DOCK3: variants seen among roughly 807,000 people sequenced by gnomAD.
The protein encoded by DOCK3 is dedicator of cytokinesis protein 3.
Under a neutral mutation model 265.6 loss-of-function variants are expected in DOCK3, and 60 were observed. The observed-to-expected ratio is 0.23, with a 90% CI of 0.18 to 0.28. The LOEUF (loss-of-function observed/expected upper bound fraction) is 0.28. Among genes scored for constraint, DOCK3 ranks in the 10% least tolerant of loss-of-function variants. DOCK3 has a pLI of 1.00. For missense variants in DOCK3, 1,981 were observed against 2,594.3 expected, an observed-to-expected ratio of 0.76 and a Z score of 5.14; for synonymous variants, 881 against 938.0, an observed-to-expected ratio of 0.94 and a Z score of 1.11.
chr3:50,837,841 G>A lies in DOCK3; in HGVS notation c.122-3834G>A, dbSNP rs905839553. ...GCAAAAAGTATAAAGGTGCTGAGGC[G>A]GGAGCCTGCTTAGTAAGTTGAAGGA... On this transcript the variant is annotated intron_variant, in intron 2 of 52. Transcript: ENST00000266037. 3.3e-5 allele frequency among the ~76,000 whole-genome samples: 5 copies of A among 152,150 alleles called. No individual in the cohort carries two copies. In the East Asian group the frequency reaches 5.8e-4, roughly 18 times the overall value.
At chr3:51,039,030 C>G (rs1307049667) in intron 5 of DOCK3, among the ~76,000 whole-genome samples, 4 of 151,992 alleles carry the variant, frequency 2.6e-5, no homozygotes, top group Non-Finnish European at 5.9e-5. Flanking sequence ...GAGTCTCGCT[C>G]TGTTTCCCAG....
At chr3:51,066,002 C>A (rs529023723) in intron 6 of DOCK3, among the ~76,000 whole-genome samples, 2 of 152,052 alleles carry the variant, frequency 1.3e-5, no homozygotes, top group Non-Finnish European at 2.9e-5. Context: ...ATCCTCAAAT[C>A]GAATCTAAAA....
At chr3:50,745,120 T>G (rs1188049449) in intron 1 of DOCK3, among the ~76,000 whole-genome samples, 1 of 152,194 alleles carries the variant, frequency 6.6e-6, no homozygotes, top group Admixed American at 6.6e-5. Flanking sequence ...TTATTTTTAT[T>G]AGTTTTTTGA....
intron 7 of DOCK3, among the ~76,000 whole-genome samples, chr3:51,079,925 A>G (rs1482696628): frequency 2.0e-5 from 3 of 152,142 alleles, no homozygotes; most frequent in African/African-American, 7.2e-5. Flanking sequence ...ATTATTATCC[A>G]TCCACATTAT....
At chr3:51,184,827 C>G (rs569072140) in intron 12 of DOCK3, among the ~76,000 whole-genome samples, 109 of 152,220 alleles carry the variant, frequency 7.2e-4, no homozygotes, top group African/African-American at 2.6e-3. Flanking sequence ...ACCTGACAAG[C>G]ACTACTTCAA....
chr3:51,053,045 G>A (rs1575895662), intron 5 of DOCK3, among the ~76,000 whole-genome samples: 1 of 117,320 alleles, frequency 8.5e-6, no homozygotes, highest in East Asian at 3.1e-4. Flanking sequence ...TTATAGTAAG[G>A]ATTATTCAGT....
At chr3:50,749,331 A>G (rs528049310) in intron 1 of DOCK3, among the ~76,000 whole-genome samples, 5 of 152,336 alleles carry the variant, frequency 3.3e-5, no homozygotes, top group African/African-American at 1.2e-4. Flanking sequence ...TGTAGTGTAT[A>G]GTGTGGCACA....
At chr3:51,139,055 T>TA (rs2084929670) in intron 9 of DOCK3, among the ~76,000 whole-genome samples, 1 of 152,140 alleles carries the variant, frequency 6.6e-6, no homozygotes, top group African/African-American at 2.4e-5. Flanking sequence ...GGACCAAGAC[T>TA]AATGGATAAT....
intron 3 of DOCK3, among the ~76,000 whole-genome samples, chr3:50,884,744 C>CT (rs35369557): frequency 0.033 from 4,838 of 148,382 alleles, 114 homozygotes; most frequent in Middle Eastern, 0.11. Flanking sequence ...TCAAATTAGA[C>CT]TTTTTTTTTT....
rs782325162 is a variant in DOCK3 at position 51,383,547 on chromosome 3, C to G, written c.*1988C>G. ...GGACAAGGCAGTCATCACATAAGAA[C>G]AGCTACCTTCTCCACTTGGTGGCAC... On this transcript the variant is annotated 3_prime_UTR_variant, in exon 53 of 53. Transcript: ENST00000266037. 9.8e-5 allele frequency: 15 copies of G among 152,332 alleles called. No homozygotes were observed. The highest frequency in any genetic ancestry group is 3.4e-4 in the African/African-American group (14 of 41,464). The allele number at this position is 152,332 out of a possible 1,614,324, so 9.4% of individuals were successfully genotyped here. A position where few individuals can be genotyped will look rare whatever the true frequency, so the allele number is the denominator to read the frequency against.
chr3:51,324,496 T>C (rs1360408723), intron 32 of DOCK3, among the ~76,000 whole-genome samples: 1 of 152,202 alleles, frequency 6.6e-6, no homozygotes, highest in African/African-American at 2.4e-5. Context: ...CTGCCCAAAC[T>C]AATTTGTAGA....
intron 23 of DOCK3, among the ~76,000 whole-genome samples, chr3:51,269,131 C>CTA (rs1271322208): frequency 2.6e-4 from 39 of 147,626 alleles, no homozygotes; most frequent in East Asian, 5.9e-4. Flanking sequence ...CTCTCTCTCT[C>CTA]TCTCTCTATA....
At chr3:51,059,478 C>T (rs1218931312) in intron 5 of DOCK3, among the ~76,000 whole-genome samples, 3 of 151,634 alleles carry the variant, frequency 2.0e-5, no homozygotes, top group Non-Finnish European at 4.4e-5. Context: ...CACACACACA[C>T]ACACACACAC....
At chr3:51,227,759 A>G (rs1296209725) in intron 16 of DOCK3, among the ~76,000 whole-genome samples, 1 of 152,216 alleles carries the variant, frequency 6.6e-6, no homozygotes, top group African/African-American at 2.4e-5. Context: ...TAGTTCATCA[A>G]GACCAGCAAT....
chr3:51,261,370 T>A (rs2079840182), intron 23 of DOCK3, among the ~76,000 whole-genome samples: 1 of 152,102 alleles, frequency 6.6e-6, no homozygotes, highest in African/African-American at 2.4e-5. Context: ...TGAGGAACAG[T>A]GCATTCCGGC....
intron 27 of DOCK3, 83 bp from the exon 28 acceptor site, chr3:51,310,149 A>T (rs1166882180): frequency 9.5e-7 from 1 of 1,047,190 alleles, no homozygotes; most frequent in Non-Finnish European, 1.5e-6. Context: ...CATTGTCATG[A>T]TCTAGTGGCG....
intron 37 of DOCK3, among the ~76,000 whole-genome samples, chr3:51,339,667 C>T (rs1267724018): frequency 6.6e-6 from 1 of 152,198 alleles, no homozygotes; most frequent in East Asian, 1.9e-4. Context: ...GTGGCTGTCA[C>T]ATCTGTTTAC....
At chr3:50,725,183 C>A (rs1017691818) in intron 1 of DOCK3, among the ~76,000 whole-genome samples, 11 of 152,072 alleles carry the variant, frequency 7.2e-5, no homozygotes, top group African/African-American at 2.4e-4. Flanking sequence ...ATAACAACAT[C>A]TTATGGCGTT....
chr3:51,259,979 T>A (rs1274954946), intron 22 of DOCK3, among the ~76,000 whole-genome samples, 177 bp from the exon 23 acceptor site: 2 of 152,192 alleles, frequency 1.3e-5, no homozygotes, highest in Non-Finnish European at 2.9e-5. Flanking sequence ...TAGTGACAAT[T>A]TGGATATTTG....
Sources: allele counts gnomAD v4.1 joint callset (sites outside exome capture counted in the v4.1 genomes callset), GRCh38; gene constraint gnomAD v4.1.1; transcripts MANE v1.5; gene names NCBI Gene and HGNC (gene_info 2026-07-23, HGNC 2026-07-21).